Variants in FBXL2 observed in about 807,000 individuals in gnomAD.
The protein encoded by FBXL2 is F-box/LRR-repeat protein 2.
A neutral mutation model predicts 69.2 loss-of-function variants in FBXL2; 38 were observed. The ratio of observed to expected loss-of-function variants is 0.55; its 90% CI spans 0.42 to 0.72. FBXL2 has a LOEUF of 0.72. Ranked by LOEUF, FBXL2 falls within the 30% of genes least tolerant of loss-of-function variation. The pLI is 0.00. For synonymous variants in FBXL2, 192 were observed against 201.3 expected (o/e 0.95, Z 0.39); for missense variants, 354 against 520.3 (o/e 0.68, Z 3.11).
intron 2 of FBXL2, among the ~76,000 whole-genome samples, chr3:33,358,442 C>T (rs1243340909): frequency 2.0e-5 from 3 of 152,144 alleles, no homozygotes; most frequent in African/African-American, 7.2e-5. Flanking sequence ...CACCTCTTCC[C>T]GCCCCATCTT....
chr3:33,378,534 T>C, intron 12 of FBXL2, 151 bp from the exon 13 acceptor site: 1 of 701,332 alleles, frequency 1.4e-6, no homozygotes. Context: ...GATTTTAGAG[T>C]GCTGGTGAAG....
At chr3:33,322,749 A>T (rs2038345199) in intron 2 of FBXL2, among the ~76,000 whole-genome samples, 1 of 152,184 alleles carries the variant, frequency 6.6e-6, no homozygotes. Flanking sequence ...TACTGGTAAC[A>T]TTTTGGTTAA....
rs2043391616 is a variant in FBXL2 at position 33,385,776 on chromosome 3, CCTTTATT to C, written c.*171_*177del. 1 of 615,268 alleles carries C rather than the reference CCTTTATT, an allele frequency of 1.6e-6. No homozygotes were observed. The allele number at this position is 615,268 out of a possible 1,614,324, so 38.1% of individuals were successfully genotyped here. ...GCAGTTACTCTGGTGATAGTTTTCA[CCTTTATT>C]CTGCTGTGAAACAATCAAATCAAAG... On this transcript the variant is annotated 3_prime_UTR_variant, in exon 15 of 15. Transcript: ENST00000484457.
At chr3:33,375,218 C>A (rs2042558400) in intron 9 of FBXL2, 70 bp from the exon 10 acceptor site, 2 of 1,574,078 alleles carry the variant, frequency 1.3e-6, no homozygotes, top group Admixed American at 1.7e-5. Flanking sequence ...ACAGCAGATA[C>A]TTTTCTGCTG....
chr3:33,352,841 G>C (rs2040918668), intron 2 of FBXL2, among the ~76,000 whole-genome samples: 1 of 152,096 alleles, frequency 6.6e-6, no homozygotes, highest in African/African-American at 2.4e-5. Context: ...GTTGCAGTGA[G>C]CTGAGATCAC....
intron 2 of FBXL2, among the ~76,000 whole-genome samples, chr3:33,357,794 G>C (rs1218942600): frequency 6.6e-6 from 1 of 152,146 alleles, no homozygotes; most frequent in Non-Finnish European, 1.5e-5. Flanking sequence ...CTCCCAAAGT[G>C]CTGGGATTAC....
At chr3:33,280,078 T>C (rs1354128750) in intron 1 of FBXL2, among the ~76,000 whole-genome samples, 1 of 152,244 alleles carries the variant, frequency 6.6e-6, no homozygotes, top group Non-Finnish European at 1.5e-5. Flanking sequence ...GTTTTGTTGT[T>C]CCTGGCACTG....
At chr3:33,327,672 A>T (rs2125816800) in intron 2 of FBXL2, among the ~76,000 whole-genome samples, 1 of 152,318 alleles carries the variant, frequency 6.6e-6, no homozygotes, top group Middle Eastern at 3.4e-3. Flanking sequence ...AGAGACAATT[A>T]TGAACAACTA....
chr3:33,320,045 C>T (rs1044791159), intron 2 of FBXL2, among the ~76,000 whole-genome samples: 2 of 152,170 alleles, frequency 1.3e-5, no homozygotes, highest in African/African-American at 2.4e-5. Flanking sequence ...TATACCCATT[C>T]TCCCTAGATC....
intron 7 of FBXL2, 57 bp downstream of exon 7, chr3:33,373,412 A>G: frequency 2.0e-6 from 3 of 1,532,622 alleles, no homozygotes; most frequent in African/African-American, 1.4e-5. Flanking sequence ...AACATTCTGG[A>G]AACCTTCTTA....
chr3:33,360,279 A>G (rs1290550500), intron 4 of FBXL2, among the ~76,000 whole-genome samples: 1 of 152,118 alleles, frequency 6.6e-6, no homozygotes, highest in Non-Finnish European at 1.5e-5. Flanking sequence ...GAGCTAAGCA[A>G]TTTCCTGCTA....
At chr3:33,332,105 C>T (rs2039212967) in intron 2 of FBXL2, among the ~76,000 whole-genome samples, 1 of 151,856 alleles carries the variant, frequency 6.6e-6, no homozygotes, top group Non-Finnish European at 1.5e-5. Flanking sequence ...ATTAAAAAAA[C>T]CTAGATACAA....
chr3:33,406,092 A>G (rs2044412879), downstream of FBXL2, among the ~76,000 whole-genome samples: 1 of 152,234 alleles, frequency 6.6e-6, no homozygotes, highest in Non-Finnish European at 1.5e-5. Context: ...TACATTTTAC[A>G]CAACAATGCC....
the FBXL2 span, chr3:33,416,880 T>C: frequency 6.9e-7 from 1 of 1,458,696 alleles, no homozygotes; most frequent in Non-Finnish European, 9.6e-7. Flanking sequence ...ATAAAGAACA[T>C]CACTTTGCTT....
intron 12 of FBXL2, among the ~76,000 whole-genome samples, chr3:33,395,108 G>A (rs1391372768): frequency 6.6e-6 from 1 of 152,132 alleles, no homozygotes; most frequent in East Asian, 1.9e-4. Flanking sequence ...ATAAGCTCTT[G>A]ATGATACATG....
chr3:33,402,790 A>T (rs150554982), intron 12 of FBXL2: 11 of 1,537,970 alleles, frequency 7.2e-6, no homozygotes, highest in East Asian at 2.3e-5. Flanking sequence ...ACGATCACAC[A>T]AACTAGATAC....
intron 2 of FBXL2, among the ~76,000 whole-genome samples, chr3:33,338,076 G>C (rs1434698839): frequency 1.3e-5 from 2 of 152,112 alleles, no homozygotes; most frequent in Non-Finnish European, 2.9e-5. Context: ...CTATCAAAAT[G>C]CTAATGCCTT....
intron 2 of FBXL2, among the ~76,000 whole-genome samples, chr3:33,349,392 T>C (rs1256284081): frequency 1.3e-5 from 2 of 152,214 alleles, no homozygotes; most frequent in Non-Finnish European, 2.9e-5. Context: ...TCTGTTGATA[T>C]GATGCATCAC....
chr3:33,372,009 T>C (rs1352636562), intron 5 of FBXL2, among the ~76,000 whole-genome samples: 1 of 152,254 alleles, frequency 6.6e-6, no homozygotes, highest in Non-Finnish European at 1.5e-5. Context: ...CCTTTAATGC[T>C]TTTTGTTCAT....
Sources: gnomAD v4.1 joint callset for allele counts (sites outside exome capture counted in the v4.1 genomes callset) on GRCh38, gnomAD v4.1.1 for gene constraint, MANE v1.5 for transcripts, NCBI Gene and HGNC (gene_info 2026-07-23, HGNC 2026-07-21) for gene names.